E2F2: variants seen among roughly 807,000 people sequenced by gnomAD.
E2F2 encodes the protein transcription factor E2F2.
A neutral mutation model predicts 42.2 loss-of-function variants in E2F2; 22 were observed. That is an observed-to-expected ratio of 0.52 (90% CI 0.37 to 0.74). The LOEUF is 0.74. E2F2 is among the 30% of genes least tolerant of loss of function. The probability of loss-of-function intolerance (pLI) is 0.00; values close to 1 mark genes in which losing one functional copy is unlikely to be tolerated. For missense variants in E2F2, 481 were observed against 557.8 expected (o/e 0.86, Z 1.39); for synonymous variants, 248 against 251.6 (o/e 0.99, Z 0.13).
rs1642875857 is a variant in E2F2 at position 23,509,949 on chromosome 1, G to GC, written c.1244dup (p.Glu417GlyfsTer4). On this transcript the variant is annotated frameshift_variant, in exon 7 of 7. Coordinates refer to ENST00000361729, the MANE Select transcript of E2F2 (RefSeq NM_004091.4). LOFTEE classifies it high-confidence loss of function. ...CGCTGATGCCCTCACCCGCCTCCAAGCCCCACAGGTAGTCGTCCTGGTCCA... is the reference window on the plus strand; with the variant it reads ...CGCTGATGCCCTCACCCGCCTCCAAGCCCCCACAGGTAGTCGTCCTGGTCCA... The GC allele has an allele frequency of 1.2e-6, 2 of 1,608,808 alleles. No homozygotes were observed.
intron 4 of E2F2, among the ~76,000 whole-genome samples, chr1:23,520,538 G>A (rs559138061): frequency 6.6e-6 from 1 of 152,180 alleles, no homozygotes; most frequent in African/African-American, 2.4e-5. Flanking sequence ...GAAGCCAAGA[G>A]TTAGAGACCA....
At chr1:23,521,630 T>C in intron 3 of E2F2, 1 of 985,424 alleles carries the variant, frequency 1.0e-6, no homozygotes, top group African/African-American at 1.7e-5. Flanking sequence ...CTTCAGCAGG[T>C]ACACGGCGCT....
chr1:23,524,210 C>T (rs912633104), intron 2 of E2F2, among the ~76,000 whole-genome samples, 173 bp downstream of exon 2: 2 of 152,178 alleles, frequency 1.3e-5, no homozygotes, highest in African/African-American at 2.4e-5. Context: ...TCTCAAGTTG[C>T]CTGATTAGTA....
chr1:23,510,705 A>C (rs1642892892), intron 6 of E2F2, among the ~76,000 whole-genome samples: 1 of 152,230 alleles, frequency 6.6e-6, no homozygotes, highest in African/African-American at 2.4e-5. Context: ...AAAAAAACAA[A>C]TACTGTGTGA....
Position 23,530,563 on chromosome 1 carries a change from G to A in E2F2, c.231C>T (p.Cys77=), listed in dbSNP as rs3218124. 12 of 1,611,610 alleles carry A rather than the reference G, an allele frequency of 7.4e-6. No individual in the cohort carries two copies. In the South Asian group the frequency reaches 1.3e-4, roughly 18 times the overall value. ...PHGPEGQVVR[C]LPAGRLPAKR... is the part of the protein sequence containing the mutation. ...TTACCGGCAGCCGGCCTGCCGGCAG[G>A]CATCGCACAACTTGGCCCTCGGGTC... Residue 77 remains cysteine (C), a synonymous_variant, in exon 1 of 7, where the codon TGC becomes TGT. Coordinates refer to ENST00000361729, the MANE Select transcript of E2F2 (RefSeq NM_004091.4). The surrounding 1 kb of genome is among the most constrained non-coding windows in gnomAD (Gnocchi z 4.4).
At chr1:23,527,154 C>T (rs1186249574) in intron 1 of E2F2, among the ~76,000 whole-genome samples, 2 of 152,208 alleles carry the variant, frequency 1.3e-5, no homozygotes. Context: ...AATCAGTTGA[C>T]GTCAAGTCAC....
chr1:23,522,109 G>C, intron 2 of E2F2, 53 bp from the exon 3 acceptor site: 1 of 1,561,070 alleles, frequency 6.4e-7, no homozygotes, highest in South Asian at 1.1e-5. Flanking sequence ...GCCCGCCCAG[G>C]ACCCTCGTCC....
intron 6 of E2F2, among the ~76,000 whole-genome samples, chr1:23,512,234 T>C (rs1019194908): frequency 1.3e-5 from 2 of 151,790 alleles, no homozygotes; most frequent in African/African-American, 2.4e-5. Flanking sequence ...AACAAATAAA[T>C]AAATAAGCAC....
At chr1:23,511,438 G>C (rs1333057506) in intron 6 of E2F2, among the ~76,000 whole-genome samples, 2 of 151,940 alleles carry the variant, frequency 1.3e-5, no homozygotes, top group African/African-American at 4.8e-5. Flanking sequence ...GTCTCACTCT[G>C]TTGCCCAGGC....
At position 23,509,088 on chromosome 1, in the gene E2F2, G is replaced by A. The variant is rs1227345946; in HGVS notation, c.*792C>T. On this transcript the variant is annotated 3_prime_UTR_variant, in exon 7 of 7. Coordinates refer to ENST00000361729, the MANE Select transcript of E2F2 (RefSeq NM_004091.4). ...GAGAGGTAAGGACTTCCTCAGGAAA[G>A]GGGTCTCCTGAGCAGGTGGCTCCTG... 1.3e-5 allele frequency: 2 copies of A among 152,162 alleles called. No homozygotes were observed. The highest frequency in any genetic ancestry group is 2.9e-5 in the Non-Finnish European group (2 of 68,054). The allele number at this position is 152,162 out of a possible 1,614,324, so 9.4% of individuals were successfully genotyped here.
chr1:23,509,553 C>T lies in E2F2; in HGVS notation c.*327G>A. ...TGGTACGTCGAGGGTCCTAATTACC[C>T]CTCAAAAGGAGGTAGCAGGGCCTTT... On this transcript the variant is annotated 3_prime_UTR_variant, in exon 7 of 7. Coordinates refer to ENST00000361729, the MANE Select transcript of E2F2 (RefSeq NM_004091.4). The T allele has an allele frequency of 3.9e-6, 1 of 258,450 alleles. No homozygotes were observed. Among genetic ancestry groups the T allele is most frequent in the Non-Finnish European group, 7.3e-6 (1 of 137,754 alleles). 16.0% of individuals were successfully genotyped at this position (258,450 alleles called of 1,614,324 possible).
chr1:23,530,888 G>C lies in E2F2; in HGVS notation c.-95C>G. ...CGCCTTTCACACGGCCCGCGGCATGGCGCGGAGGCCGGGGGAAGCCGCCAA... is the reference window on the plus strand; with the variant it reads ...CGCCTTTCACACGGCCCGCGGCATGCCGCGGAGGCCGGGGGAAGCCGCCAA... On this transcript the variant is annotated 5_prime_UTR_variant, in exon 1 of 7. Transcript: ENST00000361729. The surrounding 1 kb of genome is among the most constrained non-coding windows in gnomAD (Gnocchi z 4.4). The C allele has an allele frequency of 7.2e-7, 1 of 1,387,790 alleles. No homozygotes were observed. Among genetic ancestry groups the C allele is most frequent in the Non-Finnish European group, 9.3e-7 (1 of 1,070,344 alleles). 86.0% of individuals were successfully genotyped at this position (1,387,790 alleles called of 1,614,324 possible).
chr1:23,510,407 C>A (rs955432208), intron 6 of E2F2, among the ~76,000 whole-genome samples: 2 of 152,122 alleles, frequency 1.3e-5, no homozygotes, highest in Non-Finnish European at 2.9e-5. Flanking sequence ...TTCACTGCAA[C>A]CTCTGCCTCC....
chr1:23,520,567 G>A (rs948459990), intron 4 of E2F2, among the ~76,000 whole-genome samples: 2 of 151,808 alleles, frequency 1.3e-5, no homozygotes, highest in African/African-American at 4.8e-5. Flanking sequence ...AACAAAGCGA[G>A]ACCCTGTCTA....
In E2F2 at chr1:23,521,878, G is replaced by A. The variant is rs755529496; in HGVS notation, c.537C>T (p.Ile179=). ...IYDITNVLEG[I]QLIRKKAKNN... ...TCTTGGCCTTCTTGCGGATGAGCTG[G>A]ATGCCTTCCAGCACGTTGGTGATGT... The change falls in exon 3 of 7, where the codon ATC becomes ATT. Residue 179 remains isoleucine, a synonymous_variant. Transcript: ENST00000361729. The A allele has an allele frequency of 2.5e-6, 4 of 1,614,138 alleles. No homozygotes were observed. In the South Asian group the frequency reaches 3.3e-5, roughly 13 times the overall value.
In E2F2 at chr1:23,530,492, C is replaced by T; in HGVS notation, c.252+50G>A. 6.3e-7 allele frequency: 1 copy of T among 1,598,898 alleles called. No individual in the cohort carries two copies. Among genetic ancestry groups the T allele is most frequent in the Non-Finnish European group, 8.5e-7 (1 of 1,173,250 alleles). On this transcript the variant is annotated intron_variant, in intron 1 of 6. Transcript: ENST00000361729. This position sits in a 1 kb window ranked among gnomAD's most constrained non-coding sequence, Gnocchi z 4.4. ...GATCTCAGGCACCCCTCCCTCCTTT[C>T]CCACACCTGGAAAAGCATAGGGGGA...
rs1642842877 is a variant in E2F2 at position 23,508,445 on chromosome 1, G to A, written c.*1435C>T. ...AGACCAACCCCTGAGCCTCTCTCCA[G>A]AAGTCATAGCCTTGGTTCAGCCCAG... On this transcript the variant is annotated 3_prime_UTR_variant, in exon 7 of 7. Transcript: ENST00000361729. 1 of 152,226 alleles carries A rather than the reference G, an allele frequency of 6.6e-6. No homozygotes were observed. Among genetic ancestry groups the A allele is most frequent in the African/African-American group, 2.4e-5 (1 of 41,420 alleles). 9.4% of individuals were successfully genotyped at this position (152,226 alleles called of 1,614,324 possible). A position where few individuals can be genotyped will look rare whatever the true frequency, so the allele number is the denominator to read the frequency against.
chr1:23,530,966 A>C lies in E2F2; in HGVS notation c.-173T>G. On this transcript the variant is annotated 5_prime_UTR_variant, in exon 1 of 7. Coordinates refer to ENST00000361729, the MANE Select transcript of E2F2 (RefSeq NM_004091.4). The surrounding 1 kb of genome is among the most constrained non-coding windows in gnomAD (Gnocchi z 4.4). ...CTCCCCTCCTGGCCCGCGGCCGAGC[A>C]GAGAGCAGCGCTTAGAGATCGCCGC... is the stretch of plus-strand genomic sequence containing the variant. 2.6e-6 allele frequency: 2 copies of C among 758,466 alleles called. No homozygotes were observed. The highest frequency in any genetic ancestry group is 3.9e-6 in the Non-Finnish European group (2 of 519,386). The allele number at this position is 758,466 out of a possible 1,614,324, so 47.0% of individuals were successfully genotyped here.
At chr1:23,515,252 T>C (rs1642996105) in intron 6 of E2F2, among the ~76,000 whole-genome samples, 1 of 152,262 alleles carries the variant, frequency 6.6e-6, no homozygotes, top group Non-Finnish European at 1.5e-5. Flanking sequence ...GAGGGGCCTT[T>C]ACAGGCTTCC....
Sources: allele counts gnomAD v4.1 joint callset (sites outside exome capture counted in the v4.1 genomes callset), GRCh38; gene constraint gnomAD v4.1.1; non-coding constraint Gnocchi (gnomAD v3.1); transcripts MANE v1.5; gene names NCBI Gene and HGNC (gene_info 2026-07-23, HGNC 2026-07-21).